UBR4: variants seen among roughly 807,000 people sequenced by gnomAD.
The protein encoded by UBR4 is ubiquitin protein ligase E3 component n-recognin 4.
In UBR4, 124 loss-of-function variants were observed where a neutral mutation model predicts 575.6. The ratio of observed to expected loss-of-function variants is 0.22; its 90% CI spans 0.19 to 0.25. The LOEUF is 0.25. Ranked by LOEUF, UBR4 falls within the 10% of genes least tolerant of loss-of-function variation. The probability of loss-of-function intolerance (pLI) is 1.00; values close to 1 mark genes in which losing one functional copy is unlikely to be tolerated. For missense variants in UBR4, 4,818 were observed against 6,478.8 expected (o/e 0.74, Z 8.80); for synonymous variants, 2,455 against 2,473.7 (o/e 0.99, Z 0.22).
In UBR4 at chr1:19,100,938, G is replaced by T. The variant is rs895775505; in HGVS notation, c.13024-365C>A. 6.6e-6 allele frequency among the ~76,000 whole-genome samples: 1 copy of T among 152,050 alleles called. No homozygotes were observed. The highest frequency in any genetic ancestry group is 1.5e-5 in the Non-Finnish European group (1 of 68,018). ...TGATGCTAACCAATTTGGGGCCAGA[G>T]GACTTTGTCACTGATGACCCTGAAG... On this transcript the variant is annotated intron_variant, in intron 88 of 105. Coordinates refer to ENST00000375254, the MANE Select transcript of UBR4 (RefSeq NM_020765.3). This position sits in a 1 kb window ranked among gnomAD's most constrained non-coding sequence, Gnocchi z 4.2.
At chr1:19,086,865 G>C in intron 99 of UBR4, 44 bp from the exon 100 acceptor site, 1 of 1,607,402 alleles carries the variant, frequency 6.2e-7, no homozygotes, top group Non-Finnish European at 8.5e-7. Flanking sequence ...GAAACTCCAA[G>C]TCAGGCTCAG....
At chr1:19,141,183 C>T (rs898132154) in intron 57 of UBR4, among the ~76,000 whole-genome samples, 164 bp downstream of exon 57, 1 of 152,208 alleles carries the variant, frequency 6.6e-6, no homozygotes, top group African/African-American at 2.4e-5. Flanking sequence ...AAATTCCCAC[C>T]ACATCCCTCT....
At chr1:19,116,564 G>T (rs1275398383) in intron 73 of UBR4, among the ~76,000 whole-genome samples, 3 of 152,198 alleles carry the variant, frequency 2.0e-5, no homozygotes, top group African/African-American at 7.2e-5. Context: ...AGCTCTGTAA[G>T]TCTTACTATT....
rs1359564779 is a variant in UBR4 at position 19,162,585 on chromosome 1, G to C, written c.4791C>G (p.Cys1597Trp). The C allele has an allele frequency of 6.2e-7, 1 of 1,613,788 alleles. No homozygotes were observed. The highest frequency in any genetic ancestry group is 2.2e-5 in the East Asian group (1 of 44,878). ...GKHVMILECT[C>W]HIMSYLADVT... is the part of the protein sequence containing the mutation. ...CATCAGCCAAGTAAGACATGATATG[G>C]CATGTGCACTCCAAGATCATCACAT... Residue 1597 changes from cysteine to tryptophan, a missense_variant, in exon 35 of 106, where the codon TGC (cysteine) becomes TGG (tryptophan). Physicochemically the swap from Cys to Trp is radical, Grantham distance 215. Transcript: ENST00000375254.
Position 19,127,691 on chromosome 1 carries a change from C to T in UBR4, c.9160G>A (p.Val3054Ile). Residue 3054 changes from valine (V) to isoleucine (I), a missense_variant, in exon 63 of 106, where the codon GTA (valine) becomes ATA (isoleucine). Physicochemically the swap from Val to Ile is conservative, Grantham distance 29. This residue lies in a region of UBR4 where 550 missense variants were observed against 791.5 expected (regional missense o/e 0.69). Transcript: ENST00000375254. ...AAGACACTCAGGAGTCTCATTACTA[C>T]CAGATGGACTTCATTCAGGGCGCTG... ...ERSALNEVHLVVMRLLSVFMS... is the reference protein window; with the variant it reads ...ERSALNEVHLIVMRLLSVFMS... 6.2e-7 allele frequency: 1 copy of T among 1,614,156 alleles called. No homozygotes were observed.
intron 99 of UBR4, 126 bp from the exon 100 acceptor site, chr1:19,086,947 G>T: frequency 7.6e-7 from 1 of 1,320,012 alleles, no homozygotes; most frequent in Non-Finnish European, 1.0e-6. Context: ...TCTCACTAGG[G>T]AAGTTCAGAA....
chr1:19,140,852 C>T lies in UBR4; in HGVS notation c.8529G>A (p.Leu2843=), dbSNP rs766095130. Residue 2843 remains leucine (L), a synonymous_variant, in exon 58 of 106, where the codon CTG becomes CTA. Transcript: ENST00000375254. ...SSALGLQSLG[L]SGQAPSSSSL... is the part of the protein sequence containing the mutation. ...AGGAAGAGCTGGGTGCCTGGCCGGA[C>T]AGTCCCAGGCTCTGCAGGCCCAGGG... The T allele has an allele frequency of 2.5e-6, 4 of 1,612,680 alleles. No individual in the cohort carries two copies. Among genetic ancestry groups the T allele is most frequent in the Non-Finnish European group, 3.4e-6 (4 of 1,179,834 alleles).
intron 48 of UBR4, 30 bp downstream of exon 48, chr1:19,151,613 C>A: frequency 4.3e-6 from 7 of 1,612,052 alleles, no homozygotes; most frequent in Non-Finnish European, 5.9e-6. Context: ...ACAATGAGGA[C>A]AGAGTCTGCA....
At position 19,088,658 on chromosome 1, in the gene UBR4, C is replaced by G; in HGVS notation, c.14430+101G>C. ...CCTAGTTCCTTCCTCCTACTCTGTC[C>G]AGCCTTCTCTTTCCCCATGGCCAAC... On this transcript the variant is annotated intron_variant, in intron 98 of 105. Transcript: ENST00000375254. The surrounding 1 kb of genome is among the most constrained non-coding windows in gnomAD (Gnocchi z 4.0). 8.4e-7 allele frequency: 1 copy of G among 1,190,234 alleles called. No individual in the cohort carries two copies. Among genetic ancestry groups the G allele is most frequent in the Non-Finnish European group, 1.2e-6 (1 of 818,878 alleles). 73.7% of individuals were successfully genotyped at this position (1,190,234 alleles called of 1,614,324 possible). A position where few individuals can be genotyped will look rare whatever the true frequency, so the allele number is the denominator to read the frequency against.
chr1:19,094,169 T>A (rs1234036625), intron 94 of UBR4, 30 bp from the exon 95 acceptor site: 32 of 1,585,428 alleles, frequency 2.0e-5, no homozygotes, highest in Non-Finnish European at 2.7e-5. Context: ...GAACATGCCA[T>A]TAATGCAGTC....
chr1:19,116,402 T>A (rs550851579), intron 73 of UBR4, among the ~76,000 whole-genome samples: 1 of 152,328 alleles, frequency 6.6e-6, no homozygotes, highest in Non-Finnish European at 1.5e-5. Context: ...ATGTGCAGCA[T>A]CTACTTTCAG....
chr1:19,179,080 G>T lies in UBR4; in HGVS notation c.2325C>A (p.Asp775Glu). The T allele has an allele frequency of 1.9e-6, 3 of 1,613,822 alleles. No homozygotes were observed. The highest frequency in any genetic ancestry group is 2.5e-6 in the Non-Finnish European group (3 of 1,179,926). The change falls in exon 18 of 106, where the codon GAC becomes GAA. Residue 775 changes from aspartate to glutamate, a missense_variant. Transcript: ENST00000375254. Reference protein sequence around the residue: ...QHKASAQGDPDVPECLKVWDR... With the variant: ...QHKASAQGDPEVPECLKVWDR... ...CCCAAACTTTAAGGCATTCTGGGAC[G>T]TCAGGGTCACCTTGAGCACTGGCTT...
Position 19,112,605 on chromosome 1 carries a change from C to T in UBR4, c.11720G>A (p.Arg3907Gln), listed in dbSNP as rs2080027340. ...GCGAAGATTATAATCAAAGAGCTCC[C>T]GGATAAGGCCCTGGGAGACAAGGAT... ...RHILVSQGLI[R>Q]ELFDYNLRRG... The change falls in exon 78 of 106, where the codon CGG becomes CAG. Residue 3907 changes from arginine (R) to glutamine (Q), a missense_variant. Transcript: ENST00000375254. The T allele has an allele frequency of 2.5e-6, 4 of 1,614,228 alleles. No homozygotes were observed. The highest frequency in any genetic ancestry group is 3.4e-6 in the Non-Finnish European group (4 of 1,180,032).
At chr1:19,195,414 G>C (rs1339553921) in intron 8 of UBR4, among the ~76,000 whole-genome samples, 27 of 151,862 alleles carry the variant, frequency 1.8e-4, no homozygotes, top group Admixed American at 1.8e-3. Flanking sequence ...AATCCCAAGT[G>C]ATCAAATTTT....
At chr1:19,148,678 C>A (rs755339199) in intron 49 of UBR4, 52 bp from the exon 50 acceptor site, 27 of 1,601,336 alleles carry the variant, frequency 1.7e-5, no homozygotes, top group Non-Finnish European at 1.8e-5. Context: ...CTCCGCCTTG[C>A]GCTTTAGCCT....
At chr1:19,145,508 GACACACACACACACACACACACAC>G in intron 53 of UBR4, among the ~76,000 whole-genome samples, 1 of 145,112 alleles carries the variant, frequency 6.9e-6, no homozygotes, top group East Asian at 2.1e-4. Flanking sequence ...AAACCACTGA[GACACACACACACACACACACACAC>G]ACACACACAC....
chr1:19,183,918 C>G (rs767129253), intron 16 of UBR4, 22 bp from the exon 17 acceptor site: 1 of 1,613,880 alleles, frequency 6.2e-7, no homozygotes, highest in Non-Finnish European at 8.5e-7. Flanking sequence ...GTAGAAAAGC[C>G]AATTATTTAA....
intron 44 of UBR4, 42 bp downstream of exon 44, chr1:19,154,876 T>C: frequency 6.2e-7 from 1 of 1,612,598 alleles, no homozygotes; most frequent in Non-Finnish European, 8.5e-7. Flanking sequence ...CCACATTGAA[T>C]GTGGACATTG....
At position 19,100,357 on chromosome 1, in the gene UBR4, A is replaced by G. The variant is rs969310140; in HGVS notation, c.13221+19T>C. 1 of 1,613,524 alleles carries G rather than the reference A, an allele frequency of 6.2e-7. No homozygotes were observed. The highest frequency in any genetic ancestry group is 8.5e-7 in the Non-Finnish European group (1 of 1,179,894). ...GCCCCTAATCGTAAACGTGGGCAGC[A>G]CTGTCCTATGGTCATTACCTCCATG... On this transcript the variant is annotated intron_variant, in intron 89 of 105. Transcript: ENST00000375254. The surrounding 1 kb of genome is among the most constrained non-coding windows in gnomAD (Gnocchi z 4.2).
Sources: allele counts gnomAD v4.1 joint callset (sites outside exome capture counted in the v4.1 genomes callset), GRCh38; gene constraint gnomAD v4.1.1; regional missense constraint gnomAD v4.1.1; non-coding constraint Gnocchi (gnomAD v3.1); transcripts MANE v1.5; gene names NCBI Gene and HGNC (gene_info 2026-07-23, HGNC 2026-07-21).